Variants in WWC1 observed in about 807,000 individuals in gnomAD.
The protein encoded by WWC1 is protein KIBRA.
A neutral mutation model predicts 138.4 loss-of-function variants in WWC1; 55 were observed. That is an observed-to-expected ratio of 0.40 (90% CI 0.32 to 0.50). WWC1 has a LOEUF of 0.50. Ranked by LOEUF, WWC1 falls within the 20% of genes least tolerant of loss-of-function variation. The pLI, the probability that WWC1 is intolerant of heterozygous loss-of-function variation, is 0.72. For missense variants in WWC1, 1,226 were observed against 1,420.4 expected (o/e 0.86, Z 2.20); for synonymous variants, 524 against 564.9 (o/e 0.93, Z 1.03).
At chr5:168,414,016 G>A (rs932268360) in intron 8 of WWC1, 1 of 289,952 alleles carries the variant, frequency 3.4e-6, no homozygotes, top group African/African-American at 2.2e-5. Flanking sequence ...TCCATTCAGA[G>A]AGATGAGCAA....
At chr5:168,357,281 C>A (rs1582022283) in intron 1 of WWC1, among the ~76,000 whole-genome samples, 2 of 142,452 alleles carry the variant, frequency 1.4e-5, no homozygotes, top group Non-Finnish European at 3.0e-5. Flanking sequence ...AAGATACTGT[C>A]TTTTTCTTCC....
intron 4 of WWC1, among the ~76,000 whole-genome samples, chr5:168,398,087 A>T (rs1253963448): frequency 1.4e-5 from 1 of 70,362 alleles, no homozygotes; most frequent in Non-Finnish European, 3.6e-5. Context: ...TATTATTTTT[A>T]TTTATTTATT....
At chr5:168,326,389 G>C (rs1018487008) in intron 1 of WWC1, among the ~76,000 whole-genome samples, 10 of 151,606 alleles carry the variant, frequency 6.6e-5, no homozygotes, top group Non-Finnish European at 1.3e-4. Flanking sequence ...AGCTAATTTT[G>C]TATTTTTAGT....
intron 1 of WWC1, among the ~76,000 whole-genome samples, chr5:168,366,792 CTT>C (rs1421568719): frequency 7.3e-6 from 1 of 136,186 alleles, no homozygotes; most frequent in Non-Finnish European, 1.6e-5. Context: ...GTATTAATGA[CTT>C]TGAAACACTT....
chr5:168,408,488 C>T lies in WWC1; in HGVS notation c.721-19C>T, dbSNP rs1345278064. On this transcript the variant is annotated intron_variant, in intron 6 of 22. Coordinates refer to ENST00000265293, the MANE Select transcript of WWC1 (RefSeq NM_015238.3). The stretch of plus-strand genomic sequence containing the variant: ...CTCCTGGGAAGGCGCATCACTAACC[C>T]TGCTCTCCCCTCCTTCAGAGCCTTG... 6.2e-7 allele frequency: 1 copy of T among 1,613,400 alleles called. No homozygotes were observed.
At chr5:168,348,226 C>T (rs1278173006) in intron 1 of WWC1, among the ~76,000 whole-genome samples, 1 of 152,184 alleles carries the variant, frequency 6.6e-6, no homozygotes, top group Non-Finnish European at 1.5e-5. Context: ...GAGCTGGTTC[C>T]TGAGCTCAGG....
At position 168,460,808 on chromosome 5, in the gene WWC1, C is replaced by T. The variant is rs1166955486; in HGVS notation, c.2916+66C>T. The stretch of plus-strand genomic sequence containing the variant: ...CCCTCGTTGCCCCAAGCCCTGTGTC[C>T]TGCACACACATCTCCTAATGTCTGG... On this transcript the variant is annotated intron_variant, in intron 20 of 22. Transcript: ENST00000265293. 2.7e-6 allele frequency: 4 copies of T among 1,494,222 alleles called. No individual in the cohort carries two copies. The East Asian group carries it at 6.9e-5, about 26-fold the overall frequency. The allele number at this position is 1,494,222 out of a possible 1,614,324, so 92.6% of individuals were successfully genotyped here. A position where few individuals can be genotyped will look rare whatever the true frequency, so the allele number is the denominator to read the frequency against.
chr5:168,403,028 TTC>T (rs370819735), intron 5 of WWC1, among the ~76,000 whole-genome samples: 1,679 of 125,100 alleles, frequency 0.013, 62 homozygotes, highest in African/African-American at 0.054. Flanking sequence ...CTTTCTTTCT[TTC>T]TTTCTTTCTT....
At chr5:168,303,538 G>C (rs1231717252) in intron 1 of WWC1, among the ~76,000 whole-genome samples, 1 of 152,126 alleles carries the variant, frequency 6.6e-6, no homozygotes, top group South Asian at 2.1e-4. Flanking sequence ...GATCTCAAGA[G>C]GTCAAGGCTG....
At chr5:168,462,859 A>G (rs556615185) in intron 20 of WWC1, among the ~76,000 whole-genome samples, 46 of 152,342 alleles carry the variant, frequency 3.0e-4, no homozygotes, top group African/African-American at 1.0e-3. Context: ...CAGACGAAGC[A>G]AAAGAATCTT....
chr5:168,383,066 C>T (rs1777767624), intron 2 of WWC1, among the ~76,000 whole-genome samples: 1 of 151,630 alleles, frequency 6.6e-6, no homozygotes. Context: ...ATCCCAGCTA[C>T]TTGGGAGGCT....
At chr5:168,394,455 G>C (rs1778735912) in intron 3 of WWC1, among the ~76,000 whole-genome samples, 1 of 152,014 alleles carries the variant, frequency 6.6e-6, no homozygotes. Flanking sequence ...GGCCGGGCGT[G>C]GTGGCTCACG....
intron 1 of WWC1, among the ~76,000 whole-genome samples, chr5:168,307,096 A>T (rs1053354232): frequency 1.3e-5 from 2 of 152,242 alleles, no homozygotes; most frequent in African/African-American, 4.8e-5. Context: ...GGTTGTGCCA[A>T]GCTCTGGGCT....
intron 15 of WWC1, among the ~76,000 whole-genome samples, chr5:168,433,120 C>T (rs1782078009): frequency 6.6e-6 from 1 of 152,264 alleles, no homozygotes; most frequent in African/African-American, 2.4e-5. Context: ...TTCTTAGTCT[C>T]AGTTCCCTTA....
At chr5:168,466,348 T>C (rs1296529149) in intron 21 of WWC1, among the ~76,000 whole-genome samples, 1 of 152,182 alleles carries the variant, frequency 6.6e-6, no homozygotes, top group East Asian at 1.9e-4. Context: ...AAATTTTTCA[T>C]TTATGAAAAA....
At chr5:168,389,834 G>A (rs1662740197) in intron 3 of WWC1, among the ~76,000 whole-genome samples, 2 of 152,040 alleles carry the variant, frequency 1.3e-5, no homozygotes, top group African/African-American at 2.4e-5. Context: ...GTGTTTAGCA[G>A]CATCCTTGTT....
At chr5:168,337,746 A>C (rs1773619274) in intron 1 of WWC1, among the ~76,000 whole-genome samples, 1 of 152,256 alleles carries the variant, frequency 6.6e-6, no homozygotes, top group Admixed American at 6.5e-5. Context: ...TGTAAGTTCC[A>C]TGAAGGAAAT....
chr5:168,304,790 C>T (rs1770400564), intron 1 of WWC1, among the ~76,000 whole-genome samples: 1 of 151,924 alleles, frequency 6.6e-6, no homozygotes, highest in Non-Finnish European at 1.5e-5. Context: ...AGCACAGGTG[C>T]ACACAGCCAG....
intron 16 of WWC1, among the ~76,000 whole-genome samples, 197 bp downstream of exon 16, chr5:168,442,031 C>T (rs1296967403): frequency 6.6e-6 from 1 of 152,222 alleles, no homozygotes; most frequent in Non-Finnish European, 1.5e-5. Flanking sequence ...TGTTCCCTTC[C>T]ACATCTGTGT....
Sources: gnomAD v4.1 joint callset for allele counts (sites outside exome capture counted in the v4.1 genomes callset) on GRCh38, gnomAD v4.1.1 for gene constraint, MANE v1.5 for transcripts, NCBI Gene and HGNC (gene_info 2026-07-23, HGNC 2026-07-21) for gene names.